The following USP30 variants were observed in gnomAD, a reference collection of about 807,000 sequenced individuals.
The protein encoded by USP30 is ubiquitin specific peptidase 30.
A neutral mutation model predicts 68.2 loss-of-function variants in USP30; 41 were observed. The ratio of observed to expected loss-of-function variants is 0.60; its 90% CI spans 0.47 to 0.78. The LOEUF is 0.78. Ranked by LOEUF, USP30 falls within the 30% of genes least tolerant of loss-of-function variation. USP30 has a pLI of 0.00. For missense variants in USP30, 522 were observed against 649.4 expected, an observed-to-expected ratio of 0.80 and a Z score of 2.13; for synonymous variants, 229 against 253.7, an observed-to-expected ratio of 0.90 and a Z score of 0.93.
intron 3 of USP30, among the ~76,000 whole-genome samples, chr12:109,028,855 A>G (rs1388993787): frequency 6.6e-6 from 1 of 152,180 alleles, no homozygotes; most frequent in East Asian, 1.9e-4. Context: ...TTCATGAAGG[A>G]TCCACCCGCA....
rs917472909 is a variant in USP30, at chr12:109,073,959, C to T, written c.720+427C>T. ...ATTTTTTCACAGCCATTACTGACTC[C>T]GGGATCAGTCAACTTTATAACATTT... On this transcript the variant is annotated intron_variant, in intron 7 of 12. Coordinates refer to ENST00000257548, the MANE Select transcript of USP30 (RefSeq NM_032663.5). 5.3e-5 allele frequency among the ~76,000 whole-genome samples: 8 copies of T among 152,156 alleles called. No homozygotes were observed. In the East Asian group the frequency reaches 9.6e-4, roughly 18 times the overall value.
chr12:109,031,012 G>T (rs932914475), intron 3 of USP30, among the ~76,000 whole-genome samples: 1 of 151,666 alleles, frequency 6.6e-6, no homozygotes, highest in Non-Finnish European at 1.5e-5. Context: ...CTGAGCAAAG[G>T]GTATACCAGA....
rs778324432 is a variant in USP30 at position 109,083,081 on chromosome 12, C to G, written c.1168+19C>G. The G allele has an allele frequency of 1.3e-6, 2 of 1,567,632 alleles. No individual in the cohort carries two copies. Among genetic ancestry groups the G allele is most frequent in the East Asian group, 4.5e-5 (2 of 44,496 alleles). On this transcript the variant is annotated intron_variant, in intron 11 of 12. Coordinates refer to ENST00000257548, the MANE Select transcript of USP30 (RefSeq NM_032663.5). ...ACACCAGGTGTGTGCGCGCGAGGAG[C>G]CGATGCAGCAGGAATTTTCAGCACA...
rs1176446790 is a variant in USP30 at position 109,082,755 on chromosome 12, C to T, written c.948+12C>T. On this transcript the variant is annotated intron_variant, in intron 10 of 12. Coordinates refer to ENST00000257548, the MANE Select transcript of USP30 (RefSeq NM_032663.5). The stretch of plus-strand genomic sequence containing the variant: ...TAAAACTAGGGAAGGTGAGCCCACA[C>T]TACACACCCTGTTGGCTTTGTTTTG... The T allele has an allele frequency of 1.2e-6, 2 of 1,612,960 alleles. No homozygotes were observed. The highest frequency in any genetic ancestry group is 2.7e-5 in the African/African-American group (2 of 74,920).
chr12:109,051,446 C>T (rs1355596902), upstream of USP30, among the ~76,000 whole-genome samples: 4 of 149,240 alleles, frequency 2.7e-5, no homozygotes, highest in African/African-American at 9.9e-5. Context: ...TTAGTAGAGA[C>T]GGGGTTTCAC....
At chr12:109,031,289 A>G (rs2040479268) in intron 3 of USP30, among the ~76,000 whole-genome samples, 1 of 152,198 alleles carries the variant, frequency 6.6e-6, no homozygotes, top group Non-Finnish European at 1.5e-5. Context: ...GTTTCATTCA[A>G]ACTCTACACA....
rs552938945 is a variant in USP30 at position 109,052,773 on chromosome 12, G to T, written c.83+12G>T. The T allele has an allele frequency of 3.4e-5, 49 of 1,445,076 alleles. No individual in the cohort carries two copies. Among genetic ancestry groups the T allele is most frequent in the African/African-American group, 4.5e-5 (3 of 67,250 alleles). The allele number at this position is 1,445,076 out of a possible 1,614,324, so 89.5% of individuals were successfully genotyped here. On this transcript the variant is annotated intron_variant, in intron 1 of 12. Coordinates refer to ENST00000257548, the MANE Select transcript of USP30 (RefSeq NM_032663.5). ...GGGGCGGCCGTCAGGTGAGATTTTG[G>T]GGGGCGGGGCTGCCGAAGAGGCCGG...
upstream of USP30, chr12:109,052,428 G>C (rs980194862): frequency 1.1e-4 from 43 of 380,636 alleles, no homozygotes; most frequent in African/African-American, 6.7e-4. Flanking sequence ...AGGCAACTGA[G>C]CCCAGCGTAG....
Position 109,070,289 on chromosome 12 carries a change from T to A in USP30, c.481-1323T>A, listed in dbSNP as rs952868174. Reference sequence around the variant, plus strand: ...CGTATTTTGGAGGAGGGTCCTTTTTTCAGGACTGCTGCTGAATTGGCTGAG... The same window carrying A: ...CGTATTTTGGAGGAGGGTCCTTTTTACAGGACTGCTGCTGAATTGGCTGAG... On this transcript the variant is annotated intron_variant, in intron 4 of 12. Transcript: ENST00000257548. This position sits in a 1 kb window ranked among gnomAD's most constrained non-coding sequence, Gnocchi z 4.0. 6.6e-6 allele frequency among the ~76,000 whole-genome samples: 1 copy of A among 152,110 alleles called. No homozygotes were observed. Among genetic ancestry groups the A allele is most frequent in the Non-Finnish European group, 1.5e-5 (1 of 68,014 alleles).
chr12:109,072,377 A>G, intron 6 of USP30, 27 bp downstream of exon 6: 1 of 1,603,740 alleles, frequency 6.2e-7, no homozygotes, highest in East Asian at 2.2e-5. Flanking sequence ...GAAATATAAC[A>G]CATAAGATGT....
At chr12:109,043,270 A>AC (rs1409528446) in intron 3 of USP30, among the ~76,000 whole-genome samples, 4 of 152,170 alleles carry the variant, frequency 2.6e-5, no homozygotes, top group Admixed American at 1.3e-4. Flanking sequence ...CTCTCAAGGG[A>AC]CCCCAAATAG....
At chr12:109,069,304 G>A (rs1420723712) in intron 4 of USP30, among the ~76,000 whole-genome samples, 3 of 152,204 alleles carry the variant, frequency 2.0e-5, no homozygotes, top group Non-Finnish European at 4.4e-5. Flanking sequence ...CAGATGCCTG[G>A]TGTGTGAGGG....
chr12:109,052,839 GC>G, intron 1 of USP30, 78 bp downstream of exon 1: 2 of 1,346,662 alleles, frequency 1.5e-6, no homozygotes. Context: ...GCTTTTTCAT[GC>G]CCTAGTTGGG....
At chr12:109,063,134 C>G (rs1365388031) in intron 3 of USP30, among the ~76,000 whole-genome samples, 2 of 151,718 alleles carry the variant, frequency 1.3e-5, no homozygotes, top group Non-Finnish European at 2.9e-5. Flanking sequence ...AAGTCTCATT[C>G]TGTCACCCAG....
At chr12:109,036,321 T>TA (rs1348234613) in intron 3 of USP30, among the ~76,000 whole-genome samples, 1 of 151,112 alleles carries the variant, frequency 6.6e-6, no homozygotes, top group Non-Finnish European at 1.5e-5. Flanking sequence ...TTTTTTTTTT[T>TA]AGGGAGTCTC....
intron 3 of USP30, among the ~76,000 whole-genome samples, chr12:109,059,004 C>T (rs1299048840): frequency 6.6e-6 from 1 of 152,112 alleles, no homozygotes; most frequent in Non-Finnish European, 1.5e-5. Flanking sequence ...TACTGTTTGA[C>T]CCAGTAATTC....
chr12:109,086,068 C>G lies in USP30; in HGVS notation c.*137C>G. On this transcript the variant is annotated 3_prime_UTR_variant, in exon 13 of 13. Transcript: ENST00000257548. ...TGGTGTGTTCTAAGAGCAGGCTCCA[C>G]CTGGGAGCCAGCCCCAGTTCACACC... 7.6e-7 allele frequency: 1 copy of G among 1,307,262 alleles called. No homozygotes were observed. The highest frequency in any genetic ancestry group is 1.0e-6 in the Non-Finnish European group (1 of 979,224). The allele number at this position is 1,307,262 out of a possible 1,614,324, so 81.0% of individuals were successfully genotyped here.
intron 9 of USP30, 159 bp from the exon 10 acceptor site, chr12:109,082,504 C>G (rs1372063259): frequency 3.1e-6 from 2 of 651,324 alleles, no homozygotes; most frequent in Non-Finnish European, 5.4e-6. Context: ...TAAGAGGGAT[C>G]AGGGAAAACA....
At chr12:109,079,328 CTTTTCTTTTTCTTTTTTTTTTTCT>C (rs2041710891) in intron 7 of USP30, among the ~76,000 whole-genome samples, 1 of 36,810 alleles carries the variant, frequency 2.7e-5, no homozygotes, top group Non-Finnish European at 6.4e-5. Context: ...CTCTTTTTTT[CTTTTCTTTTTCTTTTTTTTTTTCT>C]TTTTTTTTTT....
Sources: gnomAD v4.1 joint callset for allele counts (sites outside exome capture counted in the v4.1 genomes callset) on GRCh38, gnomAD v4.1.1 for gene constraint, Gnocchi (gnomAD v3.1) non-coding constraint, MANE v1.5 for transcripts, NCBI Gene and HGNC (gene_info 2026-07-23, HGNC 2026-07-21) for gene names.